LAMA1: variants seen among roughly 807,000 people sequenced by gnomAD.
LAMA1 encodes laminin subunit alpha-1.
A neutral mutation model predicts 348.7 loss-of-function variants in LAMA1; 219 were observed. The ratio of observed to expected loss-of-function variants is 0.63; its 90% CI spans 0.56 to 0.70. The LOEUF is 0.70. LAMA1 is among the 30% of genes least tolerant of loss of function. The pLI, the probability that LAMA1 is intolerant of heterozygous loss-of-function variation, is 0.00. For missense variants in LAMA1, 3,744 were observed against 3,888.0 expected (o/e 0.96, Z 0.99); for synonymous variants, 1,487 against 1,491.0 (o/e 1.00, Z 0.06).
At chr18:7,105,398 C>G (rs1457512681) in intron 1 of LAMA1, among the ~76,000 whole-genome samples, 4 of 151,914 alleles carry the variant, frequency 2.6e-5, no homozygotes. Flanking sequence ...GAGATCGCAC[C>G]TCTGCACTCG....
At chr18:7,017,914 A>G (rs1305926340) in intron 19 of LAMA1, among the ~76,000 whole-genome samples, 1 of 152,214 alleles carries the variant, frequency 6.6e-6, no homozygotes, top group African/African-American at 2.4e-5. Context: ...CATTTTATCT[A>G]CAGTTACAAC....
At chr18:7,111,080 T>C (rs1196711722) in intron 1 of LAMA1, among the ~76,000 whole-genome samples, 3 of 152,136 alleles carry the variant, frequency 2.0e-5, no homozygotes, top group Non-Finnish European at 2.9e-5. Context: ...TACTCATTGA[T>C]CTAAATTTGA....
intron 1 of LAMA1, among the ~76,000 whole-genome samples, chr18:7,085,356 AACAT>A (rs990825064): frequency 1.3e-5 from 2 of 151,890 alleles, no homozygotes; most frequent in African/African-American, 2.4e-5. Flanking sequence ...ATCTTTAAAA[AACAT>A]ACAAATCCAT....
intron 19 of LAMA1, among the ~76,000 whole-genome samples, chr18:7,018,061 C>T (rs1247987967): frequency 1.3e-5 from 2 of 151,990 alleles, no homozygotes. Flanking sequence ...GTTGGCTGTG[C>T]GCAGTGGCTC....
chr18:7,085,097 G>T (rs191945771), intron 1 of LAMA1, among the ~76,000 whole-genome samples: 10 of 152,090 alleles, frequency 6.6e-5, no homozygotes, highest in Admixed American at 6.5e-4. Context: ...TCAAAATCAA[G>T]GTGATGTTCT....
chr18:6,977,611 G>C, intron 44 of LAMA1, 116 bp downstream of exon 44: 1 of 1,171,464 alleles, frequency 8.5e-7, no homozygotes, highest in South Asian at 1.4e-5. Flanking sequence ...ATTGGGATCT[G>C]GGTCTTTGGA....
At chr18:7,106,579 C>A (rs907257646) in intron 1 of LAMA1, among the ~76,000 whole-genome samples, 2 of 151,976 alleles carry the variant, frequency 1.3e-5, no homozygotes, top group Admixed American at 1.3e-4. Context: ...ATGATGGTTT[C>A]GAGCTCTTGA....
At chr18:7,006,082 A>C (rs1458095530) in intron 29 of LAMA1, among the ~76,000 whole-genome samples, 1 of 152,210 alleles carries the variant, frequency 6.6e-6, no homozygotes, top group Non-Finnish European at 1.5e-5. Flanking sequence ...TGGAACAATT[A>C]GTAATCAATG....
chr18:7,012,599 G>A (rs1018518907), intron 23 of LAMA1, among the ~76,000 whole-genome samples: 2 of 150,526 alleles, frequency 1.3e-5, no homozygotes, highest in African/African-American at 4.8e-5. Flanking sequence ...TCCACCCCCC[G>A]GGTTCAAGCG....
At position 6,961,028 on chromosome 18, in the gene LAMA1, G is replaced by A. The variant is rs77841954; in HGVS notation, c.7626+558C>T. 2.0e-3 allele frequency among the ~76,000 whole-genome samples: 297 copies of A among 152,288 alleles called. 1 individual carries two copies. The highest frequency in any genetic ancestry group is 0.019 in the East Asian group (101 of 5,184). On this transcript the variant is annotated intron_variant, in intron 53 of 62. Transcript: ENST00000389658. ...ATTCTGTAAAGTCTCTTCAAATTAT[G>A]TGATAGACACAAATTTGAGCAGAGG...
chr18:6,970,610 C>T (rs1600358989), intron 48 of LAMA1, among the ~76,000 whole-genome samples: 1 of 151,976 alleles, frequency 6.6e-6, no homozygotes, highest in East Asian at 1.9e-4. Flanking sequence ...CTACAATCAC[C>T]AAACCTCTGG....
Position 7,050,807 on chromosome 18 carries a change from A to C in LAMA1, c.475T>G (p.Cys159Gly), listed in dbSNP as rs1256146389. The C allele has an allele frequency of 1.2e-6, 2 of 1,614,132 alleles. No homozygotes were observed. The highest frequency in any genetic ancestry group is 8.5e-7 in the Non-Finnish European group (1 of 1,180,024). Residue 159 changes from cysteine to glycine, a missense_variant, in exon 4 of 63, where the codon TGT (cysteine) becomes GGT (glycine). Cys to Gly is a radical substitution (Grantham distance 159). Transcript: ENST00000389658. ...WQYYAVSDSE[C>G]LSRYNITPRR... ...GGAGTTATATTGTAACGAGACAAAC[A>C]CTCTGAGTCGCTGACTGCATAATAC...
chr18:6,980,800 A>T (rs1374797340), intron 41 of LAMA1, among the ~76,000 whole-genome samples, 163 bp from the exon 42 acceptor site: 1 of 152,184 alleles, frequency 6.6e-6, no homozygotes, highest in African/African-American at 2.4e-5. Context: ...TCATTATAGA[A>T]ATTAAGAGTA....
At position 6,999,485 on chromosome 18, in the gene LAMA1, C is replaced by T; in HGVS notation, c.4623G>A (p.Glu1541=). 8 of 1,614,198 alleles carry T rather than the reference C, an allele frequency of 5.0e-6. No individual in the cohort carries two copies. Among genetic ancestry groups the T allele is most frequent in the Non-Finnish European group, 5.9e-6 (7 of 1,180,044 alleles). The stretch of plus-strand genomic sequence containing the variant: ...CCATCAGAATGTGCCTCGGTTCACA[C>T]TCATCGCACCGGAGCCCCGAGGCCC... ...RLGASGLRCD[E]CEPRHILMET... is the part of the protein sequence containing the mutation. Residue 1541 remains glutamate (E), a synonymous_variant, in exon 32 of 63, where the codon GAG becomes GAA. Transcript: ENST00000389658.
At position 7,015,998 on chromosome 18, in the gene LAMA1, C is replaced by G. The variant is rs1389013703; in HGVS notation, c.2990-140G>C. ...AAGACGCCTCACAATTCCCAAGACC[C>G]CTCCATGTCTCATGGAGGTAGCCGG... On this transcript the variant is annotated intron_variant, in intron 21 of 62. Coordinates refer to ENST00000389658, the MANE Select transcript of LAMA1 (RefSeq NM_005559.4). 3.0e-6 allele frequency: 3 copies of G among 993,406 alleles called. No individual in the cohort carries two copies. The South Asian group carries it at 4.3e-5, about 14-fold the overall frequency. The allele number at this position is 993,406 out of a possible 1,614,324, so 61.5% of individuals were successfully genotyped here.
Position 7,036,946 on chromosome 18 carries a change from T to C in LAMA1, c.1737+632A>G, listed in dbSNP as rs147380282. ...ATAAATTTTCGTATCAATCAGAATC[T>C]GGAGAGATGCGGCATAAGTGGGGAG... On this transcript the variant is annotated intron_variant, in intron 12 of 62. Coordinates refer to ENST00000389658, the MANE Select transcript of LAMA1 (RefSeq NM_005559.4). Among the ~76,000 whole-genome samples the C allele has an allele frequency of 7.8e-4, 119 of 152,148 alleles. No individual in the cohort carries two copies. The East Asian group carries it at 9.1e-3, about 12-fold the overall frequency.
chr18:7,033,866 C>G (rs1036294806), intron 14 of LAMA1, among the ~76,000 whole-genome samples: 19 of 152,094 alleles, frequency 1.2e-4, no homozygotes, highest in African/African-American at 4.6e-4. Flanking sequence ...TCCTGAATAG[C>G]TGGGACTACA....
rs775438253 is a variant in LAMA1 at position 6,999,983 on chromosome 18, C to T, written c.4397G>A (p.Cys1466Tyr). ...HSPPASFSPT[C>Y]VLEGDHDFRC... ...GAAATCGTGGTCCCCTTCCAAGACA[C>T]AAGTGGGACTAAAACTGGAGGAAAA... The change falls in exon 31 of 63, where the codon TGT becomes TAT. Residue 1466 changes from cysteine to tyrosine, a missense_variant. This residue lies in a region of LAMA1 where 1,983 missense variants were observed against 1,934.3 expected (regional missense o/e 1.03). Transcript: ENST00000389658. 2.5e-6 allele frequency: 4 copies of T among 1,613,606 alleles called. No individual in the cohort carries two copies. Among genetic ancestry groups the T allele is most frequent in the East Asian group, 2.2e-5 (1 of 44,882 alleles).
At chr18:7,007,054 A>T in intron 29 of LAMA1, 85 bp downstream of exon 29, 1 of 1,563,224 alleles carries the variant, frequency 6.4e-7, no homozygotes, top group Non-Finnish European at 8.7e-7. Flanking sequence ...AAACCAAGGC[A>T]CGGCTATGAC....
Sources: gnomAD v4.1 joint callset for allele counts (sites outside exome capture counted in the v4.1 genomes callset) on GRCh38, gnomAD v4.1.1 for gene constraint, gnomAD v4.1.1 regional missense constraint, MANE v1.5 for transcripts, NCBI Gene and HGNC (gene_info 2026-07-23, HGNC 2026-07-21) for gene names.